The following SAMD12 variants were observed in gnomAD, a reference collection of about 807,000 sequenced individuals.
SAMD12 encodes sterile alpha motif domain-containing protein 12.
In SAMD12, 9 loss-of-function variants were observed where a neutral mutation model predicts 15.0. That is an observed-to-expected ratio of 0.60 (90% CI 0.36 to 1.05). The LOEUF is 1.05. Ranked by LOEUF, SAMD12 falls within the 50% of genes least tolerant of loss-of-function variation. The pLI, the probability that SAMD12 is intolerant of heterozygous loss-of-function variation, is 0.01. For missense variants in SAMD12, 230 were observed against 234.2 expected (o/e 0.98, Z 0.12); for synonymous variants, 86 against 90.1 (o/e 0.96, Z 0.25).
intron 2 of SAMD12, among the ~76,000 whole-genome samples, chr8:118,549,092 G>T (rs989538033): frequency 7.2e-5 from 11 of 152,236 alleles, no homozygotes; most frequent in Admixed American, 7.2e-4. Flanking sequence ...CTCCACCTCT[G>T]GGGGCAGGGC....
chr8:118,132,044 T>C, the SAMD12 span, among the ~76,000 whole-genome samples: 1 of 152,210 alleles, frequency 6.6e-6, no homozygotes, highest in Non-Finnish European at 1.5e-5. Context: ...TATTTCCACA[T>C]ATACACTTAC....
In SAMD12 at chr8:118,232,026, C is replaced by T. The variant is rs146787366; in HGVS notation, c.434-34294G>A. 2.0e-3 allele frequency among the ~76,000 whole-genome samples: 301 copies of T among 152,268 alleles called. 2 individuals carry two copies. Among genetic ancestry groups the T allele is most frequent in the East Asian group, 0.014 (70 of 5,180 alleles). On this transcript the variant is annotated intron_variant, in intron 4 of 4. Transcript: ENST00000409003. The stretch of plus-strand genomic sequence containing the variant: ...ATGGCAGAAGTTCAGACCATCCTGC[C>T]TATCTGTTCACTTGCCTCGTAATGT...
chr8:118,363,071 C>G (rs149751516), intron 4 of SAMD12, among the ~76,000 whole-genome samples: 4 of 152,288 alleles, frequency 2.6e-5, no homozygotes, highest in African/African-American at 9.6e-5. Flanking sequence ...TGAATAGTCT[C>G]AAGTGTTAAT....
At chr8:118,165,605 T>TATATATGTATATATATATAC in the SAMD12 span, among the ~76,000 whole-genome samples, 3 of 15,668 alleles carry the variant, frequency 1.9e-4, no homozygotes, top group Admixed American at 6.9e-4. Flanking sequence ...CATATATACA[T>TATATATGTATATATATATAC]ATATATATGT....
At chr8:118,330,718 T>C (rs1816768975) in intron 4 of SAMD12, among the ~76,000 whole-genome samples, 1 of 152,132 alleles carries the variant, frequency 6.6e-6, no homozygotes, top group Non-Finnish European at 1.5e-5. Context: ...CTGCAGAATT[T>C]AAAACTCAAT....
In SAMD12 at chr8:118,559,178, T is replaced by C. The variant is rs533250162; in HGVS notation, c.192+21537A>G. Among the ~76,000 whole-genome samples the C allele has an allele frequency of 2.6e-5, 4 of 152,252 alleles. No individual in the cohort carries two copies. The South Asian group carries it at 8.3e-4, about 32-fold the overall frequency. ...ATCCTGGAGTGCATAGGAAGACAGG[T>C]ACATGAACTCAAGTTTTTCCAGGAA... On this transcript the variant is annotated intron_variant, in intron 2 of 3. Transcript: ENST00000314727.
chr8:118,305,774 G>A (rs976321850), intron 4 of SAMD12, among the ~76,000 whole-genome samples: 2 of 152,146 alleles, frequency 1.3e-5, no homozygotes, highest in African/African-American at 4.8e-5. Flanking sequence ...TTAGATCAGT[G>A]CTTTTTCCTT....
At chr8:118,576,840 G>C (rs1586831100) in intron 2 of SAMD12, among the ~76,000 whole-genome samples, 1 of 152,174 alleles carries the variant, frequency 6.6e-6, no homozygotes, top group Non-Finnish European at 1.5e-5. Context: ...TCCTCATCTG[G>C]ACTCTCAACT....
intron 4 of SAMD12, among the ~76,000 whole-genome samples, chr8:118,297,876 C>A (rs574965576): frequency 6.6e-6 from 1 of 151,894 alleles, no homozygotes; most frequent in East Asian, 1.9e-4. Flanking sequence ...AATACAGAAA[C>A]AGAACAAGTC....
At chr8:118,390,804 T>C (rs1820231570) in intron 3 of SAMD12, among the ~76,000 whole-genome samples, 1 of 152,170 alleles carries the variant, frequency 6.6e-6, no homozygotes, top group African/African-American at 2.4e-5. Flanking sequence ...TTAATGGAAA[T>C]TTGCACTGCA....
At chr8:118,420,999 C>T (rs1190984659) in intron 3 of SAMD12, among the ~76,000 whole-genome samples, 1 of 152,184 alleles carries the variant, frequency 6.6e-6, no homozygotes, top group Non-Finnish European at 1.5e-5. Flanking sequence ...CTACGACCTA[C>T]AAAGCCAAAT....
intron 4 of SAMD12, among the ~76,000 whole-genome samples, chr8:118,356,972 G>A (rs971168240): frequency 2.6e-5 from 4 of 152,238 alleles, no homozygotes; most frequent in Admixed American, 6.5e-5. Context: ...TTTAACTGTC[G>A]CCTGTTCACT....
At chr8:118,582,165 C>G (rs904968174) in intron 1 of SAMD12, among the ~76,000 whole-genome samples, 1 of 152,170 alleles carries the variant, frequency 6.6e-6, no homozygotes, top group East Asian at 1.9e-4. Flanking sequence ...TCCACTCCCT[C>G]CTTAATAGAT....
chr8:118,185,021 G>A (rs2129707330), downstream of SAMD12, among the ~76,000 whole-genome samples: 1 of 151,178 alleles, frequency 6.6e-6, no homozygotes, highest in East Asian at 1.9e-4. Flanking sequence ...TGTTTGCGTT[G>A]ATGAAGTTAC....
At chr8:118,615,335 T>A (rs1828214060) in intron 1 of SAMD12, among the ~76,000 whole-genome samples, 1 of 152,202 alleles carries the variant, frequency 6.6e-6, no homozygotes, top group African/African-American at 2.4e-5. Context: ...CTTGCACTTT[T>A]ATTTAGCACT....
At chr8:118,395,883 A>G (rs776460808) in intron 3 of SAMD12, among the ~76,000 whole-genome samples, 142 of 151,476 alleles carry the variant, frequency 9.4e-4, no homozygotes, top group Non-Finnish European at 1.7e-3. Flanking sequence ...GGGTGAACCC[A>G]GGAGGCGGAG....
At chr8:118,228,963 A>G (rs1812245489) in intron 4 of SAMD12, among the ~76,000 whole-genome samples, 1 of 152,258 alleles carries the variant, frequency 6.6e-6, no homozygotes, top group Non-Finnish European at 1.5e-5. Context: ...TGCCATAAAA[A>G]GGAATTAATT....
intron 4 of SAMD12, among the ~76,000 whole-genome samples, chr8:118,294,396 A>G (rs906631485): frequency 6.6e-6 from 1 of 152,246 alleles, no homozygotes; most frequent in African/African-American, 2.4e-5. Context: ...AATGGAACAT[A>G]AAGTTAATTG....
chr8:118,360,526 G>GAA (rs201319688), intron 4 of SAMD12, among the ~76,000 whole-genome samples: 3 of 139,940 alleles, frequency 2.1e-5, no homozygotes, highest in African/African-American at 7.8e-5. Context: ...TAAGGTAAAA[G>GAA]AAAAAAAAAA....
Sources: gnomAD v4.1 joint callset for allele counts (sites outside exome capture counted in the v4.1 genomes callset) on GRCh38, gnomAD v4.1.1 for gene constraint, MANE v1.5 for transcripts, NCBI Gene and HGNC (gene_info 2026-07-23, HGNC 2026-07-21) for gene names.